Variants in PRDM1 observed in about 807,000 individuals in gnomAD.
The protein encoded by PRDM1 is PR/SET domain 1, also known as PR domain zinc finger protein 1.
Under a neutral mutation model 62.8 loss-of-function variants are expected in PRDM1, and 13 were observed. That is an observed-to-expected ratio of 0.21 (90% CI 0.13 to 0.33). PRDM1 has a LOEUF of 0.33. Among genes scored for constraint, PRDM1 ranks in the 10% least tolerant of loss-of-function variants. PRDM1 has a pLI of 1.00. For synonymous variants in PRDM1, 396 were observed against 417.6 expected (o/e 0.95, Z 0.63); for missense variants, 895 against 1,058.8 (o/e 0.85, Z 2.15).
chr6:106,025,710 G>A (rs1317166327), intron 1 of PRDM1, among the ~76,000 whole-genome samples: 1 of 152,160 alleles, frequency 6.6e-6, no homozygotes, highest in African/African-American at 2.4e-5. Flanking sequence ...TAATAACATA[G>A]CATTATTATG....
intron 2 of PRDM1, among the ~76,000 whole-genome samples, chr6:106,090,989 C>G (rs1265785582): frequency 1.3e-5 from 2 of 151,074 alleles, no homozygotes; most frequent in Non-Finnish European, 2.9e-5. Flanking sequence ...AAAAACTGTT[C>G]TTACTTCCTA....
Position 106,056,539 on chromosome 6 carries a change from G to A in PRDM1, c.-67+7825G>A, listed in dbSNP as rs556070339. ...GCCTGTTTATCAGCCACACACAACCGACTCAGAAACAGCAAGAGAAGCTCC... is the reference window on the plus strand; with the variant it reads ...GCCTGTTTATCAGCCACACACAACCAACTCAGAAACAGCAAGAGAAGCTCC... On this transcript the variant is annotated intron_variant, in intron 1 of 6. Coordinates refer to the PRDM1 transcript ENST00000651185. Among the ~76,000 whole-genome samples, 6 of 152,236 alleles carry A rather than the reference G, an allele frequency of 3.9e-5. No individual in the cohort carries two copies. In the East Asian group the frequency reaches 5.8e-4, roughly 15 times the overall value.
At chr6:106,054,754 C>T (rs1046343967) in intron 1 of PRDM1, among the ~76,000 whole-genome samples, 2 of 152,126 alleles carry the variant, frequency 1.3e-5, no homozygotes, top group Non-Finnish European at 2.9e-5. Flanking sequence ...TGAACAATAG[C>T]TATACTTTTT....
intron 2 of PRDM1, among the ~76,000 whole-genome samples, chr6:106,093,679 A>G (rs1332705539): frequency 6.6e-6 from 1 of 152,210 alleles, no homozygotes; most frequent in African/African-American, 2.4e-5. Flanking sequence ...TTAAATATAT[A>G]TATTTATATC....
intron 1 of PRDM1, among the ~76,000 whole-genome samples, chr6:106,022,120 C>T (rs763106941): frequency 1.3e-5 from 2 of 152,202 alleles, no homozygotes; most frequent in African/African-American, 2.4e-5. Flanking sequence ...GTTACACCAA[C>T]ATAATGGTAC....
At chr6:106,069,776 G>A (rs1349374700) in intron 1 of PRDM1, among the ~76,000 whole-genome samples, 1 of 152,198 alleles carries the variant, frequency 6.6e-6, no homozygotes, top group African/African-American at 2.4e-5. Context: ...GTGCTCCACT[G>A]TAAACTGGTT....
chr6:106,056,940 T>C (rs1052296884), intron 1 of PRDM1, among the ~76,000 whole-genome samples: 1 of 152,188 alleles, frequency 6.6e-6, no homozygotes, highest in African/African-American at 2.4e-5. Context: ...TGGGTGTGGC[T>C]TTTGTTTTCA....
intron 1 of PRDM1, among the ~76,000 whole-genome samples, chr6:106,055,981 G>A (rs1742638287): frequency 1.3e-5 from 2 of 152,118 alleles, no homozygotes; most frequent in South Asian, 4.1e-4. Context: ...AGGGGATTGG[G>A]AGAAAGGCTC....
At position 106,088,467 on chromosome 6, in the gene PRDM1, T is replaced by C; in HGVS notation, c.291+18T>C. 6.2e-7 allele frequency: 1 copy of C among 1,613,820 alleles called. No individual in the cohort carries two copies. Among genetic ancestry groups the C allele is most frequent in the South Asian group, 1.1e-5 (1 of 91,086 alleles). On this transcript the variant is annotated intron_variant, in intron 2 of 6. Coordinates refer to ENST00000369096, the MANE Select transcript of PRDM1 (RefSeq NM_001198.4). ...GTGAAGAGGTAAGCCTCTGGTTTAT[T>C]GACAAGAAGATTGGGGACCTGGTGC...
intron 1 of PRDM1, among the ~76,000 whole-genome samples, chr6:106,078,795 GGT>G: frequency 6.6e-6 from 1 of 152,078 alleles, no homozygotes; most frequent in Non-Finnish European, 1.5e-5. Flanking sequence ...GGGAGGCTAC[GGT>G]GAGCCATGAT....
intron 4 of PRDM1, among the ~76,000 whole-genome samples, chr6:106,100,938 G>A (rs1280174851): frequency 6.6e-6 from 1 of 152,070 alleles, no homozygotes; most frequent in African/African-American, 2.4e-5. Flanking sequence ...TCTCTTCAGC[G>A]CTCCCCGAGA....
At chr6:105,992,766 C>T (rs1054266171), upstream of PRDM1, among the ~76,000 whole-genome samples, 2 of 152,232 alleles carry the variant, frequency 1.3e-5, no homozygotes, top group African/African-American at 4.8e-5. Context: ...GTCCCCCTTG[C>T]CTGTAAACCT....
At chr6:106,071,343 A>C (rs765673303) in intron 1 of PRDM1, among the ~76,000 whole-genome samples, 7 of 152,104 alleles carry the variant, frequency 4.6e-5, no homozygotes, top group African/African-American at 1.7e-4. Context: ...TTATATGTAT[A>C]TGTTATATAT....
chr6:106,106,423 A>T lies in PRDM1; in HGVS notation c.1826A>T (p.Asn609Ile). 6.2e-7 allele frequency: 1 copy of T among 1,614,190 alleles called. No homozygotes were observed. The highest frequency in any genetic ancestry group is 1.1e-5 in the South Asian group (1 of 91,082). The change falls in exon 6 of 7, where the codon AAC (asparagine) becomes ATC (isoleucine). Residue 609 changes from asparagine to isoleucine, a missense_variant. Coordinates refer to ENST00000369096, the MANE Select transcript of PRDM1 (RefSeq NM_001198.4). The surrounding 1 kb of genome is among the most constrained non-coding windows in gnomAD (Gnocchi z 4.4). ...GERPFKCQTC[N>I]KGFTQLAHLQ... ...CGGCCTTTCAAATGTCAGACTTGCA[A>T]CAAGGGCTTTACTCAGCTCGCCCAC...
rs537393014 is a variant in PRDM1, at chr6:106,099,772, T to C, written c.664+220T>C. Reference sequence around the variant, plus strand: ...GTATATATATATATGAGGAGCTACCTTGAGTTTTGAATTCAGGATGTTACA... The same window carrying C: ...GTATATATATATATGAGGAGCTACCCTGAGTTTTGAATTCAGGATGTTACA... On this transcript the variant is annotated intron_variant, in intron 4 of 6. Coordinates refer to ENST00000369096, the MANE Select transcript of PRDM1 (RefSeq NM_001198.4). 3 of 569,350 alleles carry C rather than the reference T, an allele frequency of 5.3e-6. No homozygotes were observed. In the African/African-American group the frequency reaches 5.6e-5, roughly 11 times the overall value. 35.3% of individuals were successfully genotyped at this position (569,350 alleles called of 1,614,324 possible).
chr6:106,038,014 C>CTTTTTTTTGTTTTTTTTTTTTTTTT (rs1772945213), intron 1 of PRDM1, among the ~76,000 whole-genome samples: 1 of 47,800 alleles, frequency 2.1e-5, no homozygotes, highest in Non-Finnish European at 3.5e-5. Flanking sequence ...CTATTTTTGT[C>CTTTTTTTTGTTTTTTTTTTTTTTTT]TTTTTTTTTT....
intron 1 of PRDM1, among the ~76,000 whole-genome samples, chr6:106,031,150 T>C (rs116412515): frequency 9.1e-4 from 139 of 152,340 alleles, no homozygotes; most frequent in African/African-American, 3.2e-3. Context: ...AACTTACTTA[T>C]TCTTCAATTT....
chr6:106,083,395 C>T (rs1332608632), upstream of PRDM1, among the ~76,000 whole-genome samples: 1 of 151,744 alleles, frequency 6.6e-6, no homozygotes, highest in Non-Finnish European at 1.5e-5. Flanking sequence ...AAAAAAGTTC[C>T]TTTCGAAAAA....
chr6:106,031,490 T>G (rs1772843734), intron 1 of PRDM1, among the ~76,000 whole-genome samples: 1 of 152,038 alleles, frequency 6.6e-6, no homozygotes, highest in Non-Finnish European at 1.5e-5. Flanking sequence ...TAACTTTGGG[T>G]GGTAGAAAGT....
Sources: allele counts gnomAD v4.1 joint callset (sites outside exome capture counted in the v4.1 genomes callset), GRCh38; gene constraint gnomAD v4.1.1; non-coding constraint Gnocchi (gnomAD v3.1); transcripts MANE v1.5; gene names NCBI Gene and HGNC (gene_info 2026-07-23, HGNC 2026-07-21).